GTPBP10: variants seen among roughly 807,000 people sequenced by gnomAD.
GTPBP10 encodes GTP-binding protein 10.
Under a neutral mutation model 44.8 loss-of-function variants are expected in GTPBP10, and 38 were observed. The observed-to-expected ratio is 0.85, with a 90% CI of 0.65 to 1.11. GTPBP10 has a LOEUF of 1.11. Among genes scored for constraint, GTPBP10 ranks in the 50% most tolerant of loss-of-function variants. The pLI is 0.00. For synonymous variants in GTPBP10, 152 were observed against 150.6 expected (o/e 1.01, Z -0.07); for missense variants, 462 against 453.7 (o/e 1.02, Z -0.17).
intron 8 of GTPBP10, among the ~76,000 whole-genome samples, chr7:90,380,632 C>T (rs1280905432): frequency 2.6e-5 from 4 of 152,150 alleles, no homozygotes; most frequent in Admixed American, 2.0e-4. Context: ...GATCCATCAT[C>T]TTACATACTA....
chr7:90,359,518 C>T (rs749941721), intron 4 of GTPBP10, among the ~76,000 whole-genome samples: 4 of 152,148 alleles, frequency 2.6e-5, no homozygotes, highest in Non-Finnish European at 4.4e-5. Flanking sequence ...ATATGTGCCA[C>T]GTTTTCTTAA....
chr7:90,387,544 A>C lies in GTPBP10; in HGVS notation c.*2390A>C, dbSNP rs1421592985. ...GTGATGTTTTCCCAGTATTATTTCA[A>C]TTATATTTGTTTTATTTTCTGTTCC... On this transcript the variant is annotated 3_prime_UTR_variant, in exon 10 of 10. Coordinates refer to ENST00000222511, the MANE Select transcript of GTPBP10 (RefSeq NM_033107.4). 2.0e-5 allele frequency: 3 copies of C among 152,066 alleles called. No homozygotes were observed. The highest frequency in any genetic ancestry group is 7.2e-5 in the African/African-American group (3 of 41,410). 9.4% of individuals were successfully genotyped at this position (152,066 alleles called of 1,614,324 possible).
chr7:90,382,634 T>C (rs929166506), intron 8 of GTPBP10, among the ~76,000 whole-genome samples: 3 of 152,202 alleles, frequency 2.0e-5, no homozygotes, highest in African/African-American at 7.2e-5. Flanking sequence ...TGCATTTACT[T>C]TTTCCAAGAA....
In GTPBP10 at chr7:90,380,991, T is replaced by C. The variant is rs539036881; in HGVS notation, c.778-1965T>C. ...TTTCTTTTTTTAAGGCTGAATAATA[T>C]TCAGTTGTGTGTGTGTATACCACAT... is the stretch of plus-strand genomic sequence containing the variant. On this transcript the variant is annotated intron_variant, in intron 8 of 9. Coordinates refer to ENST00000222511, the MANE Select transcript of GTPBP10 (RefSeq NM_033107.4). Among the ~76,000 whole-genome samples the C allele has an allele frequency of 1.2e-4, 18 of 152,320 alleles. No homozygotes were observed. In the East Asian group the frequency reaches 2.5e-3, roughly 21 times the overall value.
intron 4 of GTPBP10, among the ~76,000 whole-genome samples, chr7:90,370,812 T>G (rs1796242968): frequency 6.6e-6 from 1 of 152,152 alleles, no homozygotes; most frequent in South Asian, 2.1e-4. Context: ...GAGACCATCC[T>G]GGCTAATATG....
At chr7:90,350,449 C>G (rs1052042911) in intron 1 of GTPBP10, among the ~76,000 whole-genome samples, 4 of 119,556 alleles carry the variant, frequency 3.3e-5, no homozygotes, top group African/African-American at 1.3e-4. Context: ...AATGGTATTT[C>G]TAGTTCTAGA....
intron 4 of GTPBP10, among the ~76,000 whole-genome samples, chr7:90,362,122 C>T (rs973531331): frequency 2.3e-4 from 35 of 151,388 alleles, no homozygotes; most frequent in African/African-American, 7.3e-4. Flanking sequence ...TTTTTTGTGT[C>T]TCTATTTCCT....
In GTPBP10 at chr7:90,372,209, T is replaced by C. The variant is rs1359662421; in HGVS notation, c.519T>C (p.Pro173=). The change falls in exon 5 of 10, where the codon CCT becomes CCC. Residue 173 remains proline, a synonymous_variant. Transcript: ENST00000222511. ...TAAGTTGTGTTTCTCATGCAAAACC[T>C]GCAATTGCAGATTACGCATGTAAGT... ...SLLSCVSHAK[P]AIADYAFTTL... The C allele has an allele frequency of 6.2e-7, 1 of 1,603,890 alleles. No individual in the cohort carries two copies. The highest frequency in any genetic ancestry group is 8.5e-7 in the Non-Finnish European group (1 of 1,173,730).
intron 1 of GTPBP10, among the ~76,000 whole-genome samples, chr7:90,349,090 G>T (rs1221112117): frequency 6.6e-6 from 1 of 152,030 alleles, no homozygotes; most frequent in African/African-American, 2.4e-5. Flanking sequence ...TCCTTGATTG[G>T]CTCTTTTGTA....
chr7:90,368,058 A>G (rs1796172356), intron 4 of GTPBP10, among the ~76,000 whole-genome samples: 1 of 152,172 alleles, frequency 6.6e-6, no homozygotes, highest in Non-Finnish European at 1.5e-5. Context: ...TTGGCTGGAT[A>G]TGAAATTCTG....
At chr7:90,363,278 G>T (rs939309813) in intron 4 of GTPBP10, among the ~76,000 whole-genome samples, 2 of 152,284 alleles carry the variant, frequency 1.3e-5, no homozygotes, top group Middle Eastern at 3.4e-3. Flanking sequence ...GGTACCGGTT[G>T]TTCCTTTCCA....
Position 90,377,458 on chromosome 7 carries a change from C to T in GTPBP10, c.592-49C>T, listed in dbSNP as rs372799222. ...AAATTTTGGGATGTAATTGAACTTG[C>T]GGTTTTCATACATTTTCCTTTTTCA... is the stretch of plus-strand genomic sequence containing the variant. On this transcript the variant is annotated intron_variant, in intron 6 of 9. Transcript: ENST00000222511. The T allele has an allele frequency of 3.1e-4, 396 of 1,258,226 alleles. 1 individual carries two copies. The highest frequency in any genetic ancestry group is 3.9e-4 in the Non-Finnish European group (348 of 884,748). 77.9% of individuals were successfully genotyped at this position (1,258,226 alleles called of 1,614,324 possible).
chr7:90,362,622 G>A (rs1287608083), intron 4 of GTPBP10, among the ~76,000 whole-genome samples: 1 of 152,176 alleles, frequency 6.6e-6, no homozygotes, highest in African/African-American at 2.4e-5. Context: ...GATTTGGGGT[G>A]GAGAGTTCTG....
In GTPBP10 at chr7:90,377,621, C is replaced by T. The variant is rs777229919; in HGVS notation, c.699+7C>T. ...TAGACAACTACTTTTTGTTGTAAGT[C>T]ATATGTATACTAATGTGATATTCAA... On this transcript the variant is annotated splice_region_variant and intron_variant, in intron 7 of 9. Coordinates refer to ENST00000222511, the MANE Select transcript of GTPBP10 (RefSeq NM_033107.4). The T allele has an allele frequency of 1.1e-5, 16 of 1,498,708 alleles. No homozygotes were observed. The highest frequency in any genetic ancestry group is 1.4e-5 in the Non-Finnish European group (15 of 1,083,570). The allele number at this position is 1,498,708 out of a possible 1,614,324, so 92.8% of individuals were successfully genotyped here.
chr7:90,351,808 G>A (rs553182262), intron 1 of GTPBP10, among the ~76,000 whole-genome samples: 1 of 152,084 alleles, frequency 6.6e-6, no homozygotes, highest in Admixed American at 6.5e-5. Flanking sequence ...CCATTCTCCT[G>A]CCTCAGCCTG....
At chr7:90,355,063 G>A in intron 3 of GTPBP10, 23 bp from the exon 4 acceptor site, 2 of 1,474,698 alleles carry the variant, frequency 1.4e-6, no homozygotes, top group Non-Finnish European at 9.3e-7. Context: ...TTTGCTGTAA[G>A]TATTTCTCTC....
chr7:90,384,284 A>G (rs1221270724), intron 9 of GTPBP10, among the ~76,000 whole-genome samples: 3 of 152,156 alleles, frequency 2.0e-5, no homozygotes, highest in African/African-American at 7.2e-5. Flanking sequence ...TAATCCATCT[A>G]ATCAGTATGC....
At chr7:90,380,634 T>A (rs544482896) in intron 8 of GTPBP10, among the ~76,000 whole-genome samples, 29 of 152,364 alleles carry the variant, frequency 1.9e-4, no homozygotes, top group Admixed American at 9.8e-4. Context: ...TCCATCATCT[T>A]ACATACTATT....
intron 4 of GTPBP10, among the ~76,000 whole-genome samples, chr7:90,366,976 G>C (rs146356960): frequency 6.6e-6 from 1 of 152,288 alleles, no homozygotes; most frequent in African/African-American, 2.4e-5. Flanking sequence ...CAGAGATTCT[G>C]ATACATTATG....
Sources: gnomAD v4.1 joint callset for allele counts (sites outside exome capture counted in the v4.1 genomes callset) on GRCh38, gnomAD v4.1.1 for gene constraint, MANE v1.5 for transcripts, NCBI Gene and HGNC (gene_info 2026-07-23, HGNC 2026-07-21) for gene names.